DEF6: variants seen among roughly 807,000 people sequenced by gnomAD.
The protein encoded by DEF6 is DEF6 guanine nucleotide exchange factor.
DEF6 carries 32 observed loss-of-function variants against 80.5 expected under a neutral mutation model. The ratio of observed to expected loss-of-function variants is 0.40; its 90% CI spans 0.30 to 0.53. The LOEUF (loss-of-function observed/expected upper bound fraction) is 0.53, where lower values mean the gene tolerates loss of function less well. Ranked by LOEUF, DEF6 falls within the 20% of genes least tolerant of loss-of-function variation. The pLI is 0.57. For missense variants in DEF6, 575 were observed against 818.7 expected, an observed-to-expected ratio of 0.70 and a Z score of 3.63; for synonymous variants, 300 against 337.9, an observed-to-expected ratio of 0.89 and a Z score of 1.23.
chr6:35,309,868 A>G, intron 2 of DEF6, 58 bp downstream of exon 2: 1 of 1,598,230 alleles, frequency 6.3e-7, no homozygotes, highest in Non-Finnish European at 8.5e-7. Context: ...CAGCCTGGCC[A>G]GCAGCCTAAT....
In DEF6 at chr6:35,319,588, G is replaced by A. The variant is rs1213447254; in HGVS notation, c.1280G>A (p.Arg427His). The part of the protein sequence containing the change: ...KEEEAARQRQ[R>H]IKELEEMQQR... ...GAGGAGGCTGCCCGGCAGCGGCAGC[G>A]CATCAAGGAGCTGGAGGAGATGCAG... Residue 427 changes from arginine to histidine, a missense_variant, in exon 8 of 11, where the codon CGC becomes CAC. By Grantham distance (29) the Arg-to-His change is conservative. Coordinates refer to ENST00000316637, the MANE Select transcript of DEF6 (RefSeq NM_022047.4). The surrounding 1 kb of genome is among the most constrained non-coding windows in gnomAD (Gnocchi z 4.5). 1 of 1,613,956 alleles carries A rather than the reference G, an allele frequency of 6.2e-7. No individual in the cohort carries two copies. Among genetic ancestry groups the A allele is most frequent in the African/African-American group, 1.3e-5 (1 of 74,978 alleles).
chr6:35,304,055 C>T (rs1791359518), intron 1 of DEF6, among the ~76,000 whole-genome samples: 1 of 152,168 alleles, frequency 6.6e-6, no homozygotes, highest in Non-Finnish European at 1.5e-5. Flanking sequence ...ATTGCTTGAA[C>T]CCGGGAGGCA....
In DEF6 at chr6:35,318,505, G is replaced by A. The variant is rs902069220; in HGVS notation, c.1215+34G>A. ...AGCTCCCGGCGCCGGGGACGGGACC[G>A]GTGGGCTGGGAGGCTGGCCAGGGGC... On this transcript the variant is annotated intron_variant, in intron 7 of 10. Coordinates refer to ENST00000316637, the MANE Select transcript of DEF6 (RefSeq NM_022047.4). This position sits in a 1 kb window ranked among gnomAD's most constrained non-coding sequence, Gnocchi z 5.1. 2.2e-6 allele frequency: 3 copies of A among 1,365,988 alleles called. No homozygotes were observed. The allele number at this position is 1,365,988 out of a possible 1,614,324, so 84.6% of individuals were successfully genotyped here.
chr6:35,317,722 A>G (rs1582233938), intron 5 of DEF6, 169 bp from the exon 6 acceptor site: 30 of 475,178 alleles, frequency 6.3e-5, no homozygotes, highest in Middle Eastern at 1.2e-3. Context: ...AGTTGTGGGG[A>G]CTTAAGTCCC....
At chr6:35,304,877 A>G (rs1791369423) in intron 1 of DEF6, among the ~76,000 whole-genome samples, 2 of 151,678 alleles carry the variant, frequency 1.3e-5, no homozygotes, top group African/African-American at 4.8e-5. Context: ...TTTCATCCCT[A>G]TTGTTTTAAA....
At chr6:35,315,821 ACT>A (rs1354440808) in intron 5 of DEF6, among the ~76,000 whole-genome samples, 2 of 144,834 alleles carry the variant, frequency 1.4e-5, no homozygotes, top group African/African-American at 5.1e-5. Context: ...TCATTCATCA[ACT>A]CTAACGGTTT....
At chr6:35,313,607 T>TC in intron 5 of DEF6, among the ~76,000 whole-genome samples, 1 of 152,156 alleles carries the variant, frequency 6.6e-6, no homozygotes, top group Non-Finnish European at 1.5e-5. Context: ...CTCTTTGTCC[T>TC]CCCCCCACAC....
Position 35,312,346 on chromosome 6 carries a change from G to T in DEF6, c.468G>T (p.Glu156Asp). Residue 156 changes from glutamate (E) to aspartate (D), a missense_variant, in exon 4 of 11, where the codon GAG becomes GAT. Glu to Asp is a conservative substitution (Grantham distance 45). Coordinates refer to ENST00000316637, the MANE Select transcript of DEF6 (RefSeq NM_022047.4). The surrounding 1 kb of genome is among the most constrained non-coding windows in gnomAD (Gnocchi z 6.6). ...LKKVLSSMSL[E>D]VSLGELEELL... ...AGGTACTCAGCAGCATGAGCTTGGA[G>T]GTGAGCTTGGGTGAGCTGGAGGAGC... 6.2e-7 allele frequency: 1 copy of T among 1,614,192 alleles called. No individual in the cohort carries two copies. Among genetic ancestry groups the T allele is most frequent in the Non-Finnish European group, 8.5e-7 (1 of 1,180,020 alleles).
intron 9 of DEF6, 151 bp from the exon 10 acceptor site, chr6:35,320,733 A>G: frequency 1.6e-6 from 1 of 640,176 alleles, no homozygotes; most frequent in Non-Finnish European, 2.7e-6. Flanking sequence ...TCATGTATGT[A>G]TTAATAACTC....
chr6:35,303,747 A>G (rs1309647994), intron 1 of DEF6, among the ~76,000 whole-genome samples: 3 of 152,204 alleles, frequency 2.0e-5, no homozygotes, highest in Non-Finnish European at 2.9e-5. Flanking sequence ...CTGTAATCTC[A>G]GCACTTTGGG....
At position 35,318,295 on chromosome 6, in the gene DEF6, C is replaced by T. The variant is rs1189891542; in HGVS notation, c.1039C>T (p.Leu347=). Residue 347 remains leucine, a synonymous_variant, in exon 7 of 11, where the codon CTG becomes TTG. Transcript: ENST00000316637. This position sits in a 1 kb window ranked among gnomAD's most constrained non-coding sequence, Gnocchi z 5.1. Reference sequence around the variant, plus strand: ...GCGCCGGGCGGCCAAGGAAGAGGAGCTGCTGCGGCTGCAGCAGCTGCAGGA... The same window carrying T: ...GCGCCGGGCGGCCAAGGAAGAGGAGTTGCTGCGGCTGCAGCAGCTGCAGGA... ...ERRRAAKEEE[L]LRLQQLQEEK... is the part of the protein sequence containing the mutation. 2 of 1,555,700 alleles carry T rather than the reference C, an allele frequency of 1.3e-6. No individual in the cohort carries two copies. Among genetic ancestry groups the T allele is most frequent in the Non-Finnish European group, 8.7e-7 (1 of 1,151,368 alleles).
At chr6:35,305,383 G>T (rs918724378) in intron 1 of DEF6, among the ~76,000 whole-genome samples, 1 of 151,882 alleles carries the variant, frequency 6.6e-6, no homozygotes, top group African/African-American at 2.4e-5. Flanking sequence ...CCAATTACTC[G>T]GGAGGTTGAA....
intron 10 of DEF6, 54 bp from the exon 11 acceptor site, chr6:35,321,133 C>T (rs751861057): frequency 1.0e-4 from 164 of 1,581,636 alleles, no homozygotes; most frequent in South Asian, 1.2e-4. Flanking sequence ...CAAGGCCCCT[C>T]GCCTCTCACC....
intron 1 of DEF6, among the ~76,000 whole-genome samples, chr6:35,299,786 G>T (rs1474065767): frequency 6.6e-6 from 1 of 152,100 alleles, no homozygotes; most frequent in Non-Finnish European, 1.5e-5. Context: ...AGTCTCAGGG[G>T]CCAAGTGGGG....
chr6:35,314,280 C>T (rs937281462), intron 5 of DEF6, among the ~76,000 whole-genome samples: 1 of 151,774 alleles, frequency 6.6e-6, no homozygotes, highest in Non-Finnish European at 1.5e-5. Context: ...TGGTGGTGGG[C>T]GCCTGTAATC....
intron 5 of DEF6, chr6:35,316,131 A>T (rs1367505119): frequency 6.2e-6 from 1 of 161,496 alleles, no homozygotes; most frequent in East Asian, 1.9e-4. Context: ...GGCCTCCCAA[A>T]GTGCTGGGAT....
intron 1 of DEF6, among the ~76,000 whole-genome samples, chr6:35,300,639 T>C (rs1184597087): frequency 1.3e-5 from 2 of 152,206 alleles, no homozygotes; most frequent in Admixed American, 6.5e-5. Context: ...CTTCATCCAG[T>C]TGGGTTGAGA....
intron 1 of DEF6, among the ~76,000 whole-genome samples, chr6:35,307,119 C>G (rs913908443): frequency 7.2e-5 from 11 of 152,236 alleles, no homozygotes; most frequent in Non-Finnish European, 8.8e-5. Context: ...CTGGGGTGGC[C>G]GGGCGCAGTG....
chr6:35,305,089 T>C (rs2150385473), intron 1 of DEF6, among the ~76,000 whole-genome samples: 1 of 145,178 alleles, frequency 6.9e-6, no homozygotes, highest in Admixed American at 6.7e-5. Flanking sequence ...GGATTACAGG[T>C]ATGAGCCACC....
Sources: allele counts gnomAD v4.1 joint callset (sites outside exome capture counted in the v4.1 genomes callset), GRCh38; gene constraint gnomAD v4.1.1; non-coding constraint Gnocchi (gnomAD v3.1); transcripts MANE v1.5; gene names NCBI Gene and HGNC (gene_info 2026-07-23, HGNC 2026-07-21).